XIRP2: variants seen among roughly 807,000 people sequenced by gnomAD.
XIRP2 encodes the protein xin actin binding repeat containing 2.
Under a neutral mutation model 277.0 loss-of-function variants are expected in XIRP2, and 236 were observed. The observed-to-expected ratio is 0.85, with a 90% CI of 0.77 to 0.95. The LOEUF is 0.95. Among genes scored for constraint, XIRP2 ranks in the 40% least tolerant of loss-of-function variants. The pLI is 0.00. For missense variants in XIRP2, 4,640 were observed against 4,157.5 expected, an observed-to-expected ratio of 1.12 and a Z score of -3.19; for synonymous variants, 1,490 against 1,416.5, an observed-to-expected ratio of 1.05 and a Z score of -1.17.
chr2:166,905,880 A>G (rs978166713), intron 2 of XIRP2, among the ~76,000 whole-genome samples: 1 of 151,984 alleles, frequency 6.6e-6, no homozygotes, highest in African/African-American at 2.4e-5. Context: ...ACCAAATTTA[A>G]AATTATATAT....
At position 167,249,987 on chromosome 2, in the gene XIRP2, G is replaced by T; in HGVS notation, c.8595G>T (p.Gln2865His). The T allele has an allele frequency of 2.5e-6, 4 of 1,613,566 alleles. No homozygotes were observed. The highest frequency in any genetic ancestry group is 3.4e-6 in the Non-Finnish European group (4 of 1,179,688). Residue 2865 changes from glutamine (Q) to histidine (H), a missense_variant, in exon 9 of 11, where the codon CAG becomes CAT. Coordinates refer to ENST00000409195, the MANE Select transcript of XIRP2 (RefSeq NM_152381.6). The stretch of plus-strand genomic sequence containing the variant: ...TTATCGATGCACATCTTGATTCACA[G>T]ACTCAGAATTTTCAGCAAACACAAA... ...QKVIDAHLDS[Q>H]TQNFQQTQIQ...
intron 2 of XIRP2, among the ~76,000 whole-genome samples, chr2:166,951,270 G>T (rs935736428): frequency 1.1e-4 from 16 of 151,988 alleles, no homozygotes; most frequent in African/African-American, 3.9e-4. Flanking sequence ...AGTTGAATTG[G>T]CTCATGGTTC....
At chr2:167,004,750 A>G (rs1443118012) in intron 2 of XIRP2, among the ~76,000 whole-genome samples, 1 of 151,928 alleles carries the variant, frequency 6.6e-6, no homozygotes. Context: ...TAGTTAGTGC[A>G]TGATTCAATG....
intron 3 of XIRP2, among the ~76,000 whole-genome samples, chr2:167,183,825 G>A (rs1160494012): frequency 6.6e-6 from 1 of 152,010 alleles, no homozygotes; most frequent in Admixed American, 6.6e-5. Context: ...TAAGCAGGGT[G>A]TATTCAAAAA....
intron 2 of XIRP2, among the ~76,000 whole-genome samples, chr2:167,033,753 AT>A (rs1263327271): frequency 1.3e-5 from 2 of 152,210 alleles, no homozygotes; most frequent in African/African-American, 4.8e-5. Flanking sequence ...GAAGGAAAAA[AT>A]ATCTTATAAT....
intron 2 of XIRP2, among the ~76,000 whole-genome samples, chr2:167,101,021 A>G (rs1386171569): frequency 6.6e-6 from 1 of 152,084 alleles, no homozygotes; most frequent in Non-Finnish European, 1.5e-5. Flanking sequence ...TCACTTGAAA[A>G]CAACAATAAA....
chr2:166,922,692 C>T (rs1685083723), intron 2 of XIRP2, among the ~76,000 whole-genome samples: 1 of 151,118 alleles, frequency 6.6e-6, no homozygotes, highest in African/African-American at 2.4e-5. Flanking sequence ...AGCTAGAAAT[C>T]CTGCAGCAAG....
At chr2:167,060,084 C>T (rs962128556) in intron 2 of XIRP2, among the ~76,000 whole-genome samples, 1 of 152,062 alleles carries the variant, frequency 6.6e-6, no homozygotes, top group Non-Finnish European at 1.5e-5. Context: ...ACAAAAAGAT[C>T]CCACCAAATT....
intron 2 of XIRP2, among the ~76,000 whole-genome samples, chr2:167,087,104 T>C (rs1332918772): frequency 1.3e-5 from 2 of 152,086 alleles, no homozygotes; most frequent in Non-Finnish European, 2.9e-5. Context: ...ATGATGGTGA[T>C]GTACACATGG....
intron 1 of XIRP2, 57 bp from the exon 2 acceptor site, chr2:166,903,408 T>C (rs1253411913): frequency 6.6e-7 from 1 of 1,511,018 alleles, no homozygotes; most frequent in African/African-American, 1.4e-5. Flanking sequence ...ATTTTGAGTC[T>C]GAAAATGACT....
At chr2:167,194,951 T>G (rs79061379) in intron 3 of XIRP2, among the ~76,000 whole-genome samples, 10,103 of 152,262 alleles carry the variant, frequency 0.066, 432 homozygotes, top group South Asian at 0.15. Context: ...TGTAACATAA[T>G]AACTATTATC....
At chr2:167,165,225 C>T (rs1003915593) in intron 3 of XIRP2, among the ~76,000 whole-genome samples, 3 of 152,182 alleles carry the variant, frequency 2.0e-5, no homozygotes, top group Admixed American at 6.5e-5. Flanking sequence ...GGATATGCCA[C>T]CGCTTTTTGT....
At chr2:166,968,299 C>T (rs757012246) in intron 2 of XIRP2, among the ~76,000 whole-genome samples, 4 of 151,864 alleles carry the variant, frequency 2.6e-5, no homozygotes, top group Non-Finnish European at 5.9e-5. Flanking sequence ...AAATTGCTTA[C>T]GTAGAATTGG....
At chr2:167,044,459 A>G (rs534794334) in intron 2 of XIRP2, among the ~76,000 whole-genome samples, 4 of 152,238 alleles carry the variant, frequency 2.6e-5, no homozygotes, top group East Asian at 1.9e-4. Flanking sequence ...AAGGCATCCA[A>G]ATAGGAAGAG....
In XIRP2 at chr2:167,166,154, T is replaced by A. The variant is rs561812380; in HGVS notation, c.562+30092T>A. On this transcript the variant is annotated intron_variant, in intron 3 of 10. Transcript: ENST00000409195. ...TGGCTACAAATTTTGATAAGTTGTA[T>A]TTCTATTTTCATTTAGCTCAAAATA... Among the ~76,000 whole-genome samples, 6 of 152,340 alleles carry A rather than the reference T, an allele frequency of 3.9e-5. 1 individual carries two copies. The highest frequency in any genetic ancestry group is 1.4e-4 in the African/African-American group (6 of 41,576).
chr2:167,136,144 T>A, intron 3 of XIRP2, 82 bp downstream of exon 3: 27 of 1,297,580 alleles, frequency 2.1e-5, no homozygotes, highest in Non-Finnish European at 2.7e-5. Context: ...ATATGAGGGG[T>A]TTGTTTAAAA....
At chr2:167,049,872 C>G (rs534227693) in intron 2 of XIRP2, among the ~76,000 whole-genome samples, 1 of 152,016 alleles carries the variant, frequency 6.6e-6, no homozygotes, top group Non-Finnish European at 1.5e-5. Flanking sequence ...CTTCTGGGGG[C>G]CCCTAACAAA....
chr2:167,199,609 GGCCA>G (rs1461335235), intron 3 of XIRP2, among the ~76,000 whole-genome samples: 12 of 152,268 alleles, frequency 7.9e-5, no homozygotes, highest in Non-Finnish European at 1.2e-4. Flanking sequence ...GTATTCTGGA[GGCCA>G]TAATTGTTTT....
At chr2:167,073,237 C>A (rs1689477919) in intron 2 of XIRP2, among the ~76,000 whole-genome samples, 1 of 151,964 alleles carries the variant, frequency 6.6e-6, no homozygotes, top group African/African-American at 2.4e-5. Context: ...TAAGTTTTTT[C>A]TATCCTATAA....
Sources: gnomAD v4.1 joint callset for allele counts (sites outside exome capture counted in the v4.1 genomes callset) on GRCh38, gnomAD v4.1.1 for gene constraint, MANE v1.5 for transcripts, NCBI Gene and HGNC (gene_info 2026-07-23, HGNC 2026-07-21) for gene names.